Variants in CYYR1 observed in about 807,000 individuals in gnomAD.
CYYR1 encodes cysteine and tyrosine rich 1.
A neutral mutation model predicts 15.2 loss-of-function variants in CYYR1; 14 were observed. The observed-to-expected ratio is 0.92, with a 90% CI of 0.61 to 1.44. The LOEUF (loss-of-function observed/expected upper bound fraction) is 1.44, where lower values mean the gene tolerates loss of function less well. CYYR1 is among the 40% of genes most tolerant of loss of function. The pLI, the probability that CYYR1 is intolerant of heterozygous loss-of-function variation, is 0.00. For missense variants in CYYR1, 228 were observed against 209.5 expected, an observed-to-expected ratio of 1.09 and a Z score of -0.54; for synonymous variants, 80 against 77.4, an observed-to-expected ratio of 1.03 and a Z score of -0.18.
intron 3 of CYYR1, among the ~76,000 whole-genome samples, chr21:26,470,348 CTA>C (rs2065019099): frequency 6.6e-6 from 1 of 152,012 alleles, no homozygotes; most frequent in South Asian, 2.1e-4. Context: ...CAGAAAAAAA[CTA>C]TGTTTTTGAT....
At chr21:26,551,269 A>C (rs995144630) in intron 2 of CYYR1, 2 of 149,178 alleles carry the variant, frequency 1.3e-5, no homozygotes, top group Non-Finnish European at 2.9e-5. Context: ...GGAGGTGTGC[A>C]AGGAGATGAA....
Position 26,474,024 on chromosome 21 carries a change from T to C in CYYR1, c.335-5390A>G, listed in dbSNP as rs1349155608. On this transcript the variant is annotated intron_variant, in intron 3 of 3. Transcript: ENST00000652641. ...GCATATATGCCATGTTGGTTTTTTT[T>C]GTTGTTGTGTGTTTTTTGTTTTCGT... Among the ~76,000 whole-genome samples the C allele has an allele frequency of 4.0e-5, 6 of 149,870 alleles. No individual in the cohort carries two copies. In the Admixed American group the frequency reaches 4.1e-4, roughly 10 times the overall value.
At chr21:26,498,248 T>C (rs571011957) in intron 2 of CYYR1, among the ~76,000 whole-genome samples, 1 of 152,318 alleles carries the variant, frequency 6.6e-6, no homozygotes, top group Admixed American at 6.5e-5. Flanking sequence ...CCATTTTTCT[T>C]TGTTGGCATT....
chr21:26,483,462 A>T lies in CYYR1; in HGVS notation c.177-3033T>A, dbSNP rs1000253707. The stretch of plus-strand genomic sequence containing the variant: ...TAGCTACTTGGAAGTTTAGTTTGCA[A>T]GCCAGAATTTGACAGGTGAACTCCA... On this transcript the variant is annotated intron_variant, in intron 2 of 3. Coordinates refer to ENST00000652641, the MANE Select transcript of CYYR1 (RefSeq NM_001320768.2). The T allele has an allele frequency of 5.1e-6, 5 of 980,758 alleles. No homozygotes were observed. In the Admixed American group the frequency reaches 3.1e-4, roughly 61 times the overall value. 60.8% of individuals were successfully genotyped at this position (980,758 alleles called of 1,614,324 possible).
chr21:26,570,305 C>T (rs1159335352), intron 1 of CYYR1, among the ~76,000 whole-genome samples: 1 of 152,144 alleles, frequency 6.6e-6, no homozygotes, highest in African/African-American at 2.4e-5. Context: ...CCCCAACTCA[C>T]CCCTGACTCC....
intron 2 of CYYR1, among the ~76,000 whole-genome samples, chr21:26,547,333 T>G (rs1256808069): frequency 1.3e-5 from 2 of 152,024 alleles, no homozygotes; most frequent in Admixed American, 1.3e-4. Context: ...TATGATCCCC[T>G]CCCTGATTTT....
At chr21:26,547,629 A>C (rs1979064282) in intron 2 of CYYR1, among the ~76,000 whole-genome samples, 1 of 152,104 alleles carries the variant, frequency 6.6e-6, no homozygotes, top group South Asian at 2.1e-4. Flanking sequence ...CGCATTAATA[A>C]TTTTATATGC....
chr21:26,532,579 G>A (rs1233338817), intron 2 of CYYR1, among the ~76,000 whole-genome samples: 19 of 152,160 alleles, frequency 1.2e-4, no homozygotes, highest in Admixed American at 1.0e-3. Context: ...CATAGTAGGT[G>A]GAAATGGAAA....
intron 2 of CYYR1, among the ~76,000 whole-genome samples, chr21:26,489,487 C>A (rs1478746645): frequency 1.3e-5 from 2 of 151,738 alleles, no homozygotes; most frequent in Non-Finnish European, 2.9e-5. Context: ...ACATATGATT[C>A]AAAAATGGTC....
intron 2 of CYYR1, among the ~76,000 whole-genome samples, chr21:26,486,803 T>C (rs2123425126): frequency 6.6e-6 from 1 of 152,222 alleles, no homozygotes; most frequent in East Asian, 1.9e-4. Flanking sequence ...AGTAACACTT[T>C]TAGGCTTAGC....
intron 2 of CYYR1, among the ~76,000 whole-genome samples, chr21:26,557,176 C>T (rs942673631): frequency 3.9e-5 from 6 of 152,182 alleles, no homozygotes; most frequent in African/African-American, 9.7e-5. Flanking sequence ...ATGTTTTACA[C>T]ATCGGTGACA....
chr21:26,490,584 T>C (rs1429225668), intron 2 of CYYR1, among the ~76,000 whole-genome samples: 1 of 152,204 alleles, frequency 6.6e-6, no homozygotes, highest in Non-Finnish European at 1.5e-5. Context: ...AATTTCTTAA[T>C]GCTATTTCTT....
intron 2 of CYYR1, among the ~76,000 whole-genome samples, chr21:26,548,374 G>A (rs1002353300): frequency 9.9e-5 from 15 of 152,164 alleles, no homozygotes; most frequent in Non-Finnish European, 1.9e-4. Context: ...AAGAGACAGG[G>A]TTGTGCTCTG....
intron 2 of CYYR1, among the ~76,000 whole-genome samples, chr21:26,540,613 G>T (rs1978485808): frequency 6.6e-6 from 1 of 152,018 alleles, no homozygotes; most frequent in South Asian, 2.1e-4. Flanking sequence ...ACCGAACAAA[G>T]ATTTTAGAAG....
At chr21:26,494,984 G>A (rs1006544722) in intron 2 of CYYR1, among the ~76,000 whole-genome samples, 1 of 152,138 alleles carries the variant, frequency 6.6e-6, no homozygotes, top group Admixed American at 6.5e-5. Flanking sequence ...CCAGAAGTCA[G>A]AGAAACTGAA....
intron 2 of CYYR1, among the ~76,000 whole-genome samples, chr21:26,516,356 AT>A (rs1009075889): frequency 2.0e-5 from 3 of 152,228 alleles, no homozygotes; most frequent in Admixed American, 1.3e-4. Flanking sequence ...TTTGATAAAT[AT>A]TAATGCATTT....
chr21:26,551,869 C>T (rs1979411871), intron 2 of CYYR1: 1 of 201,704 alleles, frequency 5.0e-6, no homozygotes. Context: ...GAAAGAAGTT[C>T]TACGGTGGGT....
intron 2 of CYYR1, among the ~76,000 whole-genome samples, chr21:26,531,532 CT>C (rs1195483993): frequency 6.6e-6 from 1 of 152,044 alleles, no homozygotes; most frequent in Admixed American, 6.6e-5. Context: ...GCATTTTTCC[CT>C]TCATTTTCTC....
chr21:26,477,552 A>G (rs772802626), intron 3 of CYYR1: 46 of 313,966 alleles, frequency 1.5e-4, no homozygotes, highest in Non-Finnish European at 2.0e-4. Flanking sequence ...AACCCAAGAA[A>G]ACATGTGACC....
Sources: allele counts gnomAD v4.1 joint callset (sites outside exome capture counted in the v4.1 genomes callset), GRCh38; gene constraint gnomAD v4.1.1; transcripts MANE v1.5; gene names NCBI Gene and HGNC (gene_info 2026-07-23, HGNC 2026-07-21).